The following GLI3 variants were observed in gnomAD, a reference collection of about 807,000 sequenced individuals.
The protein encoded by GLI3 is GLI family zinc finger 3.
A neutral mutation model predicts 100.8 loss-of-function variants in GLI3; 20 were observed. That is an observed-to-expected ratio of 0.20 (90% CI 0.14 to 0.29). GLI3 has a LOEUF of 0.29. GLI3 is among the 10% of genes least tolerant of loss of function. GLI3 has a pLI of 1.00. For synonymous variants in GLI3, 938 were observed against 860.5 expected (o/e 1.09, Z -1.58); for missense variants, 2,040 against 2,128.5 (o/e 0.96, Z 0.82).
At chr7:42,042,592 A>C (rs1784168167) in intron 6 of GLI3, among the ~76,000 whole-genome samples, 1 of 152,216 alleles carries the variant, frequency 6.6e-6, no homozygotes, top group Non-Finnish European at 1.5e-5. Flanking sequence ...ATATCCCTAG[A>C]AAATCTCTAA....
chr7:41,998,893 C>T (rs1185304498), intron 10 of GLI3, among the ~76,000 whole-genome samples: 1 of 152,204 alleles, frequency 6.6e-6, no homozygotes, highest in African/African-American at 2.4e-5. Context: ...CCCCAACCTA[C>T]TTCAATGTCC....
chr7:42,183,879 A>T (rs1015928968), intron 2 of GLI3, among the ~76,000 whole-genome samples: 13 of 152,074 alleles, frequency 8.5e-5, no homozygotes, highest in Non-Finnish European at 1.6e-4. Context: ...CCACATGTTG[A>T]CCAGGCCACC....
At chr7:42,258,379 A>G (rs1297903949) in intron 1 of GLI3, among the ~76,000 whole-genome samples, 2 of 152,184 alleles carry the variant, frequency 1.3e-5, no homozygotes, top group African/African-American at 4.8e-5. Context: ...ATGTTAATGA[A>G]GGAGTGTAGA....
rs1476428445 is a variant in GLI3, at chr7:42,140,345, T to G, written c.367+7881A>C. Among the ~76,000 whole-genome samples, 19 of 152,318 alleles carry G rather than the reference T, an allele frequency of 1.2e-4. 3 individuals are homozygous for G. The South Asian group carries it at 3.9e-3, about 32-fold the overall frequency. On this transcript the variant is annotated intron_variant, in intron 3 of 14. Coordinates refer to ENST00000395925, the MANE Select transcript of GLI3 (RefSeq NM_000168.6). ...GACACTCAATAAGCAAATGCTCAATTAATACATGACTGACAGAATGAACAC... is the reference window on the plus strand; with the variant it reads ...GACACTCAATAAGCAAATGCTCAATGAATACATGACTGACAGAATGAACAC...
chr7:42,182,931 A>G (rs1787646644), intron 2 of GLI3, among the ~76,000 whole-genome samples: 1 of 151,648 alleles, frequency 6.6e-6, no homozygotes, highest in African/African-American at 2.4e-5. Flanking sequence ...AAAATACACA[A>G]AAAAATTAGC....
intron 3 of GLI3, among the ~76,000 whole-genome samples, chr7:42,132,326 T>C (rs899181680): frequency 1.3e-5 from 2 of 151,950 alleles, no homozygotes; most frequent in Non-Finnish European, 2.9e-5. Flanking sequence ...GGTCTCGATC[T>C]CCTGACCTCC....
At chr7:42,196,867 T>G (rs1461447429) in intron 2 of GLI3, among the ~76,000 whole-genome samples, 1 of 152,146 alleles carries the variant, frequency 6.6e-6, no homozygotes, top group Non-Finnish European at 1.5e-5. Flanking sequence ...TGGCAGCATG[T>G]TTACTTATGG....
chr7:42,093,103 C>T (rs1052817779), intron 3 of GLI3, among the ~76,000 whole-genome samples: 6 of 151,996 alleles, frequency 3.9e-5, no homozygotes, highest in East Asian at 2.0e-4. Flanking sequence ...CATGAGCCAC[C>T]GCGCCTGGCC....
intron 1 of GLI3, among the ~76,000 whole-genome samples, chr7:42,262,843 AAGAGGG>A (rs1789159745): frequency 1.3e-5 from 2 of 152,190 alleles, no homozygotes; most frequent in African/African-American, 4.8e-5. Context: ...CTTTATACCT[AAGAGGG>A]ATTCCATTTT....
intron 6 of GLI3, 35 bp from the exon 7 acceptor site, chr7:42,040,274 C>A: frequency 1.4e-6 from 2 of 1,424,332 alleles, no homozygotes; most frequent in South Asian, 1.1e-5. Context: ...TAATTACCTG[C>A]AGTTGGACTC....
chr7:42,190,015 C>G (rs1787794890), intron 2 of GLI3, among the ~76,000 whole-genome samples: 2 of 130,630 alleles, frequency 1.5e-5, no homozygotes, highest in African/African-American at 6.0e-5. Context: ...CACACACACA[C>G]ACAGAGAACT....
chr7:42,003,029 G>A (rs1014068581), intron 10 of GLI3, among the ~76,000 whole-genome samples: 1 of 152,218 alleles, frequency 6.6e-6, no homozygotes, highest in Non-Finnish European at 1.5e-5. Context: ...CAAGCACCAT[G>A]AGGACAGGCA....
intron 2 of GLI3, among the ~76,000 whole-genome samples, chr7:42,221,920 C>T (rs79944072): frequency 2.0e-5 from 3 of 152,152 alleles, no homozygotes; most frequent in East Asian, 3.9e-4. Flanking sequence ...TTAACTCAGA[C>T]GTAAATATAT....
intron 1 of GLI3, among the ~76,000 whole-genome samples, chr7:42,235,921 A>C (rs1788781249): frequency 6.6e-6 from 1 of 152,202 alleles, no homozygotes; most frequent in Non-Finnish European, 1.5e-5. Flanking sequence ...GCCAGAATCT[A>C]CCCGGCAGTC....
chr7:42,261,041 A>G (rs1187283691), intron 1 of GLI3, among the ~76,000 whole-genome samples: 1 of 152,178 alleles, frequency 6.6e-6, no homozygotes, highest in African/African-American at 2.4e-5. Flanking sequence ...CATAAAGAAA[A>G]GAAGTTTAAT....
In GLI3 at chr7:42,045,514, G is replaced by A; in HGVS notation, c.696C>T (p.Val232=). 1 of 1,614,030 alleles carries A rather than the reference G, an allele frequency of 6.2e-7. No homozygotes were observed. Among genetic ancestry groups the A allele is most frequent in the Non-Finnish European group, 8.5e-7 (1 of 1,179,960 alleles). ...TCTGATGATAGTATTCTGCTGGGCTGACTCCTGCATGGGGCGCTAGGAGGA... is the reference window on the plus strand; with the variant it reads ...TCTGATGATAGTATTCTGCTGGGCTAACTCCTGCATGGGGCGCTAGGAGGA... ...LSPTDAPHAG[V]SPAEYYHQMA... The change falls in exon 6 of 15, where the codon GTC becomes GTT. Residue 232 remains valine, a synonymous_variant. Coordinates refer to ENST00000395925, the MANE Select transcript of GLI3 (RefSeq NM_000168.6).
chr7:42,180,444 G>T (rs1401634774), intron 2 of GLI3, among the ~76,000 whole-genome samples: 1 of 152,236 alleles, frequency 6.6e-6, no homozygotes, highest in East Asian at 1.9e-4. Context: ...GGCAGCTGGT[G>T]AGATGAACAT....
chr7:42,179,163 GA>G (rs1467458546), intron 2 of GLI3, among the ~76,000 whole-genome samples: 2 of 152,222 alleles, frequency 1.3e-5, no homozygotes, highest in African/African-American at 2.4e-5. Flanking sequence ...TGATTTTTAA[GA>G]GGGGAGTTTC....
chr7:42,207,986 C>T (rs886793413), intron 2 of GLI3, among the ~76,000 whole-genome samples: 2 of 152,100 alleles, frequency 1.3e-5, no homozygotes, highest in African/African-American at 2.4e-5. Flanking sequence ...GGCAAAACCC[C>T]GTCTCTACTA....
Sources: gnomAD v4.1 joint callset for allele counts (sites outside exome capture counted in the v4.1 genomes callset) on GRCh38, gnomAD v4.1.1 for gene constraint, MANE v1.5 for transcripts, NCBI Gene and HGNC (gene_info 2026-07-23, HGNC 2026-07-21) for gene names.